IGSF10: variants seen among roughly 807,000 people sequenced by gnomAD.
IGSF10 encodes immunoglobulin superfamily member 10, also known as calvaria mechanical force protein 608.
A neutral mutation model predicts 128.2 loss-of-function variants in IGSF10; 126 were observed. That is an observed-to-expected ratio of 0.98 (90% confidence interval 0.85 to 1.14). The LOEUF is 1.14. Ranked by LOEUF, IGSF10 falls within the 50% of genes most tolerant of loss-of-function variation. The pLI is 0.00. For synonymous variants in IGSF10, 1,185 were observed against 1,146.2 expected (o/e 1.03, Z -0.68); for missense variants, 3,295 against 3,149.8 (o/e 1.05, Z -1.10).
At chr3:151,450,487 G>A (rs1721459333) in intron 5 of IGSF10, among the ~76,000 whole-genome samples, 1 of 152,178 alleles carries the variant, frequency 6.6e-6, no homozygotes, top group Non-Finnish European at 1.5e-5. Context: ...GTGTACTACA[G>A]TGTGACAGGT....
chr3:151,534,183 G>A, the IGSF10 span, among the ~76,000 whole-genome samples: 1 of 152,172 alleles, frequency 6.6e-6, no homozygotes, highest in South Asian at 2.1e-4. Context: ...TGGAGAAATA[G>A]AAACACTTTT....
the IGSF10 span, among the ~76,000 whole-genome samples, chr3:151,578,304 C>T: frequency 6.6e-6 from 1 of 152,106 alleles, no homozygotes; most frequent in South Asian, 2.1e-4. Context: ...ATATTTTAGG[C>T]TTTGTGGGCT....
At chr3:151,541,369 A>G in the IGSF10 span, among the ~76,000 whole-genome samples, 1 of 152,216 alleles carries the variant, frequency 6.6e-6, no homozygotes, top group Non-Finnish European at 1.5e-5. Context: ...GAGCTGAGTC[A>G]TGTCAAAAAA....
chr3:151,467,124 C>CAG, the IGSF10 span, among the ~76,000 whole-genome samples: 12 of 152,236 alleles, frequency 7.9e-5, no homozygotes, highest in East Asian at 2.3e-3. Context: ...GCTTAGGCAC[C>CAG]AGACCAAGGA....
At chr3:151,528,490 C>G in the IGSF10 span, among the ~76,000 whole-genome samples, 1 of 152,154 alleles carries the variant, frequency 6.6e-6, no homozygotes, top group Admixed American at 6.5e-5. Context: ...TTCTGCATTT[C>G]CAACTGAGGT....
the IGSF10 span, among the ~76,000 whole-genome samples, chr3:151,541,985 T>C: frequency 6.6e-6 from 1 of 152,200 alleles, no homozygotes; most frequent in Non-Finnish European, 1.5e-5. Context: ...TTTCCTGAGT[T>C]GTTCCTTAAA....
chr3:151,465,969 A>T (rs901170988), upstream of IGSF10, among the ~76,000 whole-genome samples: 2 of 152,196 alleles, frequency 1.3e-5, no homozygotes, highest in African/African-American at 4.8e-5. Context: ...GCAAATGCCA[A>T]CCTGTAACCA....
chr3:151,447,046 T>G lies in IGSF10; in HGVS notation c.2935A>C (p.Thr979Pro), dbSNP rs750719493. ...FYSHTTQILS[T>P]STFPSDPHTA... is the part of the protein sequence containing the mutation. ...TGTGGATCTGAAGGGAACGTGGAGG[T>G]GCTAAGTATTTGAGTAGTGTGAGAA... The change falls in exon 6 of 8, where the codon ACC (threonine) becomes CCC (proline). Residue 979 changes from threonine to proline, a missense_variant. By Grantham distance (38) the Thr-to-Pro change is conservative. Transcript: ENST00000282466. 1.1e-4 allele frequency: 182 copies of G among 1,612,534 alleles called. No homozygotes were observed. The highest frequency in any genetic ancestry group is 1.5e-4 in the Non-Finnish European group (172 of 1,179,566).
the IGSF10 span, among the ~76,000 whole-genome samples, chr3:151,489,363 A>G: frequency 2.0e-5 from 3 of 152,350 alleles, no homozygotes; most frequent in African/African-American, 7.2e-5. Context: ...GAACGCTTTT[A>G]CACTGTTTGT....
In IGSF10 at chr3:151,437,015, G is replaced by T; in HGVS notation, c.7546C>A (p.Leu2516Met). The T allele has an allele frequency of 6.2e-7, 1 of 1,613,966 alleles. No homozygotes were observed. ...CKAQNSVGHT[L>M]ITVPVMIVAY... is the part of the protein sequence containing the mutation. ...ACAATCATTACTGGAACAGTAATCA[G>T]TGTATGACCAACACTATTTTGAGCC... The change falls in exon 8 of 8, where the codon CTG (leucine) becomes ATG (methionine). Residue 2516 changes from leucine (L) to methionine (M), a missense_variant. Transcript: ENST00000282466.
At chr3:151,457,537 G>A (rs772907950) in intron 3 of IGSF10, among the ~76,000 whole-genome samples, 6 of 152,114 alleles carry the variant, frequency 3.9e-5, no homozygotes, top group Admixed American at 2.0e-4. Context: ...GGTGGAATTC[G>A]TCAGCAGTGG....
At chr3:151,468,669 C>G in the IGSF10 span, among the ~76,000 whole-genome samples, 1 of 152,180 alleles carries the variant, frequency 6.6e-6, no homozygotes, top group Non-Finnish European at 1.5e-5. Context: ...CTACCATAAA[C>G]CCCACTTTAA....
chr3:151,509,230 A>C, the IGSF10 span, among the ~76,000 whole-genome samples: 1 of 152,214 alleles, frequency 6.6e-6, no homozygotes, highest in Non-Finnish European at 1.5e-5. Context: ...AACAAAATTT[A>C]ATTGAATTCC....
chr3:151,442,140 T>C (rs1720893510), intron 7 of IGSF10, among the ~76,000 whole-genome samples: 1 of 152,204 alleles, frequency 6.6e-6, no homozygotes, highest in East Asian at 1.9e-4. Flanking sequence ...CACATCAGAA[T>C]GCGGGGGCCC....
Position 151,447,290 on chromosome 3 carries a change from T to C in IGSF10, c.2691A>G (p.Leu897=), listed in dbSNP as rs1458930394. The change falls in exon 6 of 8, where the codon CTA becomes CTG. Residue 897 remains leucine, a synonymous_variant. Transcript: ENST00000282466. ...NQHSSTVFPL[L]LGATEFQDSD... ...AGTCCTGAAATTCAGTTGCTCCAAG[T>C]AGCAGTGGAAAGACAGTGGATGAAT... is the stretch of plus-strand genomic sequence containing the variant. 4 of 1,614,084 alleles carry C rather than the reference T, an allele frequency of 2.5e-6. No homozygotes were observed. The highest frequency in any genetic ancestry group is 3.4e-6 in the Non-Finnish European group (4 of 1,180,032).
chr3:151,451,933 T>A (rs1035282527), intron 5 of IGSF10, among the ~76,000 whole-genome samples: 6 of 152,206 alleles, frequency 3.9e-5, no homozygotes, highest in Non-Finnish European at 8.8e-5. Flanking sequence ...AATCAAAGAA[T>A]AGAAGATACC....
chr3:151,461,474 A>G, upstream of IGSF10: 1 of 955,634 alleles, frequency 1.0e-6, no homozygotes. Context: ...AAAAATAAGT[A>G]AATTATATTG....
At position 151,447,299 on chromosome 3, in the gene IGSF10, A is replaced by G. The variant is rs370842127; in HGVS notation, c.2682T>C (p.Phe894=). Residue 894 remains phenylalanine (F), a synonymous_variant, in exon 6 of 8, where the codon TTT becomes TTC. Transcript: ENST00000282466. ...ATTCAGTTGCTCCAAGTAGCAGTGG[A>G]AAGACAGTGGATGAATGTTGATTGG... ...GTTNQHSSTV[F]PLLLGATEFQ... 25 of 1,614,074 alleles carry G rather than the reference A, an allele frequency of 1.5e-5. No individual in the cohort carries two copies. Among genetic ancestry groups the G allele is most frequent in the African/African-American group, 1.3e-5 (1 of 74,924 alleles).
the IGSF10 span, among the ~76,000 whole-genome samples, chr3:151,504,228 G>A: frequency 4.6e-5 from 7 of 152,090 alleles, no homozygotes; most frequent in Non-Finnish European, 7.4e-5. Context: ...AAAGAACAAC[G>A]GCAGTTTGGA....
Sources: gnomAD v4.1 joint callset for allele counts (sites outside exome capture counted in the v4.1 genomes callset) on GRCh38, gnomAD v4.1.1 for gene constraint, MANE v1.5 for transcripts, NCBI Gene and HGNC (gene_info 2026-07-23, HGNC 2026-07-21) for gene names.